FBXL7: variants seen among roughly 807,000 people sequenced by gnomAD.
FBXL7 encodes F-box and leucine rich repeat protein 7, also known as F-box/LRR-repeat protein 7.
In FBXL7, 12 loss-of-function variants were observed where a neutral mutation model predicts 38.3. The observed-to-expected ratio is 0.31, with a 90% CI of 0.20 to 0.51. The LOEUF (loss-of-function observed/expected upper bound fraction) is 0.51. Among genes scored for constraint, FBXL7 ranks in the 20% least tolerant of loss-of-function variants. The pLI, the probability that FBXL7 is intolerant of heterozygous loss-of-function variation, is 0.98. For synonymous variants in FBXL7, 297 were observed against 300.9 expected, an observed-to-expected ratio of 0.99 and a Z score of 0.13; for missense variants, 567 against 676.4, an observed-to-expected ratio of 0.84 and a Z score of 1.79.
chr5:15,548,219 C>A (rs1329036846), intron 1 of FBXL7, among the ~76,000 whole-genome samples: 3 of 152,096 alleles, frequency 2.0e-5, no homozygotes, highest in African/African-American at 7.2e-5. Flanking sequence ...AGTTAATAGA[C>A]CATAGCTTTG....
intron 2 of FBXL7, among the ~76,000 whole-genome samples, chr5:15,793,959 C>T (rs1737349100): frequency 6.6e-6 from 1 of 152,244 alleles, no homozygotes; most frequent in Non-Finnish European, 1.5e-5. Context: ...ACACTATGCA[C>T]ACACTTCATC....
At chr5:15,755,661 A>C (rs1736279043) in intron 2 of FBXL7, among the ~76,000 whole-genome samples, 1 of 152,232 alleles carries the variant, frequency 6.6e-6, no homozygotes, top group Admixed American at 6.5e-5. Flanking sequence ...ATCCAGTAGA[A>C]ATATCCTTGG....
intron 2 of FBXL7, among the ~76,000 whole-genome samples, chr5:15,701,053 T>C (rs979671372): frequency 1.3e-5 from 2 of 152,178 alleles, no homozygotes; most frequent in African/African-American, 2.4e-5. Context: ...TTGCTGAGAA[T>C]TGAGGAAGAG....
At chr5:15,793,284 G>A (rs549061079) in intron 2 of FBXL7, among the ~76,000 whole-genome samples, 1 of 152,330 alleles carries the variant, frequency 6.6e-6, no homozygotes, top group African/African-American at 2.4e-5. Context: ...TCTGAAATCA[G>A]GTGTCAGCAG....
chr5:15,810,631 A>T (rs185472053), intron 2 of FBXL7, among the ~76,000 whole-genome samples: 1 of 151,866 alleles, frequency 6.6e-6, no homozygotes, highest in Non-Finnish European at 1.5e-5. Flanking sequence ...ACAATTGCAA[A>T]TTTTTTATTT....
At chr5:15,531,483 C>G (rs1014556748) in intron 1 of FBXL7, among the ~76,000 whole-genome samples, 6 of 152,112 alleles carry the variant, frequency 3.9e-5, no homozygotes, top group African/African-American at 1.4e-4. Context: ...GCTAATAGAA[C>G]CCCTGAGAGA....
intron 2 of FBXL7, among the ~76,000 whole-genome samples, chr5:15,661,910 C>T (rs997030883): frequency 5.9e-5 from 9 of 152,152 alleles, no homozygotes; most frequent in Admixed American, 2.0e-4. Flanking sequence ...ATATGTACCA[C>T]GTTTTCTTTT....
At chr5:15,781,111 G>T (rs1053043814) in intron 2 of FBXL7, among the ~76,000 whole-genome samples, 6 of 152,136 alleles carry the variant, frequency 3.9e-5, no homozygotes, top group African/African-American at 9.7e-5. Flanking sequence ...CAATGGTCCC[G>T]TTTGAGGAAG....
intron 2 of FBXL7, among the ~76,000 whole-genome samples, chr5:15,681,753 G>A (rs1324846137): frequency 6.6e-6 from 1 of 152,124 alleles, no homozygotes; most frequent in Non-Finnish European, 1.5e-5. Flanking sequence ...ATATAAAGGT[G>A]GGTTAATGCT....
chr5:15,526,658 C>T (rs1737259358), intron 1 of FBXL7, among the ~76,000 whole-genome samples: 1 of 152,096 alleles, frequency 6.6e-6, no homozygotes, highest in Admixed American at 6.5e-5. Context: ...AATAAAAGTC[C>T]ACAAATAGAA....
intron 1 of FBXL7, among the ~76,000 whole-genome samples, chr5:15,569,406 T>C (rs563309349): frequency 1.5e-4 from 23 of 151,512 alleles, no homozygotes; most frequent in Non-Finnish European, 2.2e-4. Context: ...GTTATTGGTG[T>C]ATAAGAATGC....
At chr5:15,842,642 GGGGCCA>G (rs1253380193) in intron 2 of FBXL7, among the ~76,000 whole-genome samples, 6 of 152,148 alleles carry the variant, frequency 3.9e-5, no homozygotes, top group Non-Finnish European at 8.8e-5. Context: ...TGTTAAGGGT[GGGGCCA>G]GGTGGAGATA....
chr5:15,673,787 T>C (rs1055887860), intron 2 of FBXL7, among the ~76,000 whole-genome samples: 1 of 152,102 alleles, frequency 6.6e-6, no homozygotes, highest in Non-Finnish European at 1.5e-5. Context: ...TTATTTTTTT[T>C]TTTAGTATTC....
At chr5:15,557,506 G>A (rs1738282721) in intron 1 of FBXL7, among the ~76,000 whole-genome samples, 1 of 152,182 alleles carries the variant, frequency 6.6e-6, no homozygotes, top group Admixed American at 6.5e-5. Flanking sequence ...AAAGTAAGAT[G>A]TGTAAGGCTA....
chr5:15,859,955 C>G (rs929482014), intron 2 of FBXL7, among the ~76,000 whole-genome samples: 28 of 152,296 alleles, frequency 1.8e-4, no homozygotes, highest in Non-Finnish European at 2.5e-4. Context: ...AGTTTATCCT[C>G]TTTATCAATA....
At chr5:15,839,210 C>T (rs904168575) in intron 2 of FBXL7, among the ~76,000 whole-genome samples, 3 of 151,428 alleles carry the variant, frequency 2.0e-5, no homozygotes, top group Non-Finnish European at 2.9e-5. Context: ...ATCTTTCATT[C>T]GTGTTCTTTG....
intron 2 of FBXL7, among the ~76,000 whole-genome samples, chr5:15,734,134 A>ATG (rs1207393236): frequency 8.6e-6 from 1 of 115,642 alleles, no homozygotes; most frequent in African/African-American, 3.1e-5. Context: ...AAAAAAAAAA[A>ATG]GCTTGTTAAT....
chr5:15,686,912 G>A (rs921092033), intron 2 of FBXL7, among the ~76,000 whole-genome samples: 3 of 152,182 alleles, frequency 2.0e-5, no homozygotes, highest in African/African-American at 7.2e-5. Flanking sequence ...GCCTGGCCGA[G>A]GCTAGTTAGA....
At chr5:15,868,700 G>C (rs958157857) in intron 2 of FBXL7, among the ~76,000 whole-genome samples, 1 of 152,128 alleles carries the variant, frequency 6.6e-6, no homozygotes, top group African/African-American at 2.4e-5. Context: ...CAGCCTGGAA[G>C]GATCTCCCCG....
Sources: allele counts gnomAD v4.1 joint callset (sites outside exome capture counted in the v4.1 genomes callset), GRCh38; gene constraint gnomAD v4.1.1; transcripts MANE v1.5; gene names NCBI Gene and HGNC (gene_info 2026-07-23, HGNC 2026-07-21).